Variants in BMPR1B observed in about 807,000 individuals in gnomAD.
BMPR1B encodes bone morphogenetic protein receptor type-1B.
Under a neutral mutation model 59.1 loss-of-function variants are expected in BMPR1B, and 12 were observed. That is an observed-to-expected ratio of 0.20 (90% confidence interval 0.13 to 0.33). The LOEUF is 0.33. Among genes scored for constraint, BMPR1B ranks in the 10% least tolerant of loss-of-function variants. The pLI, the probability that BMPR1B is intolerant of heterozygous loss-of-function variation, is 1.00. For synonymous variants in BMPR1B, 237 were observed against 207.3 expected, an observed-to-expected ratio of 1.14 and a Z score of -1.23; for missense variants, 550 against 610.9, an observed-to-expected ratio of 0.90 and a Z score of 1.05.
chr4:94,984,264 G>A (rs1410855195), intron 2 of BMPR1B, among the ~76,000 whole-genome samples: 1 of 152,134 alleles, frequency 6.6e-6, no homozygotes, highest in Non-Finnish European at 1.5e-5. Flanking sequence ...CTTCTCAATA[G>A]CTGCTATTCA....
chr4:94,828,407 C>CT (rs1009586634), intron 1 of BMPR1B, among the ~76,000 whole-genome samples: 1 of 152,182 alleles, frequency 6.6e-6, no homozygotes, highest in African/African-American at 2.4e-5. Flanking sequence ...AAAGAAAACA[C>CT]TTTTAAAGAG....
At chr4:94,864,160 T>C (rs1411909546) in intron 1 of BMPR1B, among the ~76,000 whole-genome samples, 1 of 152,182 alleles carries the variant, frequency 6.6e-6, no homozygotes, top group African/African-American at 2.4e-5. Flanking sequence ...TCAAGGGATA[T>C]ATACGGTAAA....
At chr4:95,116,597 G>A (rs556482261) in intron 6 of BMPR1B, among the ~76,000 whole-genome samples, 32 of 151,018 alleles carry the variant, frequency 2.1e-4, no homozygotes, top group African/African-American at 4.4e-4. Flanking sequence ...TCATGACTTT[G>A]TTTTGCTTTC....
chr4:95,059,650 C>CT (rs1553932516), intron 3 of BMPR1B, among the ~76,000 whole-genome samples: 2 of 151,280 alleles, frequency 1.3e-5, no homozygotes, highest in East Asian at 1.9e-4. Flanking sequence ...AATTTTCTAT[C>CT]TTTTTTTGTT....
chr4:94,912,597 C>T (rs914260957), intron 2 of BMPR1B, among the ~76,000 whole-genome samples: 1 of 152,094 alleles, frequency 6.6e-6, no homozygotes, highest in Non-Finnish European at 1.5e-5. Context: ...CACCTAAATG[C>T]AAAGGAAGAT....
At chr4:95,036,517 C>G (rs533841324) in intron 3 of BMPR1B, among the ~76,000 whole-genome samples, 1 of 152,132 alleles carries the variant, frequency 6.6e-6, no homozygotes, top group South Asian at 2.1e-4. Flanking sequence ...ATCTCCAGTT[C>G]CAGCTACGTT....
intron 3 of BMPR1B, among the ~76,000 whole-genome samples, chr4:95,079,576 A>T (rs764203026): frequency 6.6e-5 from 10 of 152,236 alleles, no homozygotes; most frequent in Non-Finnish European, 1.3e-4. Context: ...ATGTAATAAC[A>T]TGATTTTTCC....
intron 3 of BMPR1B, among the ~76,000 whole-genome samples, chr4:95,004,438 A>C (rs1270345211): frequency 1.3e-5 from 2 of 152,268 alleles, no homozygotes; most frequent in Non-Finnish European, 1.5e-5. Flanking sequence ...TATTATTTGT[A>C]ATATTATGCA....
intron 1 of BMPR1B, among the ~76,000 whole-genome samples, chr4:94,803,433 T>G (rs1410446164): frequency 6.6e-6 from 1 of 152,146 alleles, no homozygotes; most frequent in Non-Finnish European, 1.5e-5. Context: ...GACTCTCCAA[T>G]GGAAAATGGA....
intron 2 of BMPR1B, among the ~76,000 whole-genome samples, chr4:94,942,284 G>A (rs1003432899): frequency 5.3e-5 from 8 of 152,122 alleles, no homozygotes; most frequent in Non-Finnish European, 1.0e-4. Flanking sequence ...TTAAAGTCGA[G>A]GAAAATACCT....
chr4:94,963,567 C>T (rs1397681855), intron 2 of BMPR1B, among the ~76,000 whole-genome samples: 1 of 152,030 alleles, frequency 6.6e-6, no homozygotes, highest in East Asian at 1.9e-4. Context: ...TATGAATAAC[C>T]AGTTTTTCCA....
chr4:94,953,794 T>G (rs112361726), intron 2 of BMPR1B, among the ~76,000 whole-genome samples: 2,959 of 152,300 alleles, frequency 0.019, 41 homozygotes, highest in African/African-American at 0.036. Flanking sequence ...TAAATTTGAA[T>G]GTTGGCCTGT....
chr4:95,133,233 C>T (rs947835582), intron 10 of BMPR1B, among the ~76,000 whole-genome samples: 3 of 152,142 alleles, frequency 2.0e-5, no homozygotes, highest in African/African-American at 7.2e-5. Context: ...CTCTTTGTCT[C>T]TCCTATTTCC....
intron 2 of BMPR1B, among the ~76,000 whole-genome samples, chr4:94,937,134 T>C (rs997357055): frequency 1.3e-5 from 2 of 152,204 alleles, no homozygotes; most frequent in Non-Finnish European, 2.9e-5. Context: ...TTATAGTCCC[T>C]CATTGTACTG....
chr4:94,837,080 G>A (rs569899655), intron 1 of BMPR1B, among the ~76,000 whole-genome samples: 6,197 of 135,788 alleles, frequency 0.046, 266 homozygotes, highest in South Asian at 0.11. Context: ...GATATGCGGC[G>A]TTATTTCTGA....
intron 1 of BMPR1B, among the ~76,000 whole-genome samples, chr4:94,796,455 A>G (rs1021338117): frequency 9.9e-4 from 151 of 152,208 alleles, no homozygotes; most frequent in African/African-American, 3.5e-3. Context: ...GTTAGTGTTA[A>G]TATTGAACAA....
At chr4:94,961,349 A>G (rs896068145) in intron 2 of BMPR1B, among the ~76,000 whole-genome samples, 4 of 152,292 alleles carry the variant, frequency 2.6e-5, no homozygotes, top group Middle Eastern at 3.4e-3. Flanking sequence ...GAGTAGCTTT[A>G]TCAGAGACCA....
chr4:94,945,130 A>G (rs575096610), intron 2 of BMPR1B, among the ~76,000 whole-genome samples: 25 of 152,218 alleles, frequency 1.6e-4, no homozygotes, highest in Non-Finnish European at 2.8e-4. Context: ...ATTGGCTAAG[A>G]AGGTTTTCTT....
At chr4:95,054,158 T>C (rs1391678238) in intron 3 of BMPR1B, among the ~76,000 whole-genome samples, 2 of 152,230 alleles carry the variant, frequency 1.3e-5, no homozygotes, top group African/African-American at 4.8e-5. Flanking sequence ...TTTTGTTAAA[T>C]ATATGGAAAC....
Sources: gnomAD v4.1 joint callset for allele counts (sites outside exome capture counted in the v4.1 genomes callset) on GRCh38, gnomAD v4.1.1 for gene constraint, MANE v1.5 for transcripts, NCBI Gene and HGNC (gene_info 2026-07-23, HGNC 2026-07-21) for gene names.